The following GPHN variants were observed in gnomAD, a reference collection of about 807,000 sequenced individuals.
The protein encoded by GPHN is gephyrin.
GPHN carries 17 observed loss-of-function variants against 95.5 expected under a neutral mutation model. That is an observed-to-expected ratio of 0.18 (90% CI 0.12 to 0.27). GPHN has a LOEUF of 0.27. Ranked by LOEUF, GPHN falls within the 10% of genes least tolerant of loss-of-function variation. The pLI is 1.00. For missense variants in GPHN, 660 were observed against 978.1 expected (o/e 0.67, Z 4.34); for synonymous variants, 320 against 322.5 (o/e 0.99, Z 0.08).
chr14:67,203,051 C>A, the GPHN span: 1 of 1,583,796 alleles, frequency 6.3e-7, no homozygotes, highest in Non-Finnish European at 8.6e-7. Context: ...GTCAAAGCCA[C>A]ACATTTCATC....
chr14:67,687,697 C>T, the GPHN span, among the ~76,000 whole-genome samples: 1 of 151,882 alleles, frequency 6.6e-6, no homozygotes, highest in Non-Finnish European at 1.5e-5. Flanking sequence ...TCTTGAACTC[C>T]TGACCTCAGG....
At chr14:66,538,557 A>C (rs2140032124) in intron 1 of GPHN, among the ~76,000 whole-genome samples, 1 of 149,840 alleles carries the variant, frequency 6.7e-6, no homozygotes, top group Middle Eastern at 3.4e-3. Context: ...CTATCCAATA[A>C]GTTTTAATAG....
the GPHN span, among the ~76,000 whole-genome samples, chr14:67,506,465 A>T: frequency 6.6e-6 from 1 of 152,312 alleles, no homozygotes; most frequent in East Asian, 1.9e-4. Flanking sequence ...TATTAAAATG[A>T]AATGTTTGTC....
chr14:67,323,716 C>G, the GPHN span: 1 of 1,577,228 alleles, frequency 6.3e-7, no homozygotes, highest in East Asian at 2.3e-5. Flanking sequence ...TGAAGACTCT[C>G]CGGAATTCAG....
chr14:67,180,760 C>T (rs374511758), intron 22 of GPHN, 44 bp from the exon 23 acceptor site: 164 of 1,600,296 alleles, frequency 1.0e-4, no homozygotes, highest in Admixed American at 1.9e-4. Flanking sequence ...CAACTGTATA[C>T]GCCATGATGC....
At chr14:66,846,539 A>G (rs1158089453) in intron 4 of GPHN, among the ~76,000 whole-genome samples, 1 of 152,122 alleles carries the variant, frequency 6.6e-6, no homozygotes, top group Non-Finnish European at 1.5e-5. Flanking sequence ...GTGGCTGTAT[A>G]TAAGGAAATC....
At chr14:67,261,942 C>CA in the GPHN span, among the ~76,000 whole-genome samples, 2 of 151,640 alleles carry the variant, frequency 1.3e-5, no homozygotes, top group African/African-American at 4.8e-5. Context: ...ATTTTAAAGG[C>CA]AAAAAAAGGA....
chr14:67,588,211 T>C, the GPHN span: 1 of 152,612 alleles, frequency 6.6e-6, no homozygotes, highest in Non-Finnish European at 1.5e-5. Flanking sequence ...ATCTGACCCC[T>C]CCCTGTCTCA....
the GPHN span, among the ~76,000 whole-genome samples, chr14:67,546,670 G>A: frequency 5.9e-5 from 9 of 152,308 alleles, no homozygotes; most frequent in South Asian, 4.1e-4. Context: ...GATTGCAGGC[G>A]TGAGCCACCG....
intron 14 of GPHN, 30 bp downstream of exon 14, chr14:67,110,289 T>C: frequency 1.2e-6 from 2 of 1,611,554 alleles, no homozygotes; most frequent in Non-Finnish European, 1.7e-6. Flanking sequence ...TACTGTGCTG[T>C]TGTTCCTATG....
chr14:67,296,319 C>G, the GPHN span, among the ~76,000 whole-genome samples: 2 of 152,000 alleles, frequency 1.3e-5, no homozygotes, highest in South Asian at 4.1e-4. Context: ...GGTGTCCAGA[C>G]GCCGGATGCA....
chr14:66,942,963 A>G (rs1442433900), intron 8 of GPHN, among the ~76,000 whole-genome samples: 1 of 152,238 alleles, frequency 6.6e-6, no homozygotes, highest in Non-Finnish European at 1.5e-5. Flanking sequence ...ACTTTAAAAA[A>G]GCAAAAACTT....
chr14:67,337,444 G>A, the GPHN span: 91 of 152,052 alleles, frequency 6.0e-4, no homozygotes, highest in African/African-American at 2.0e-3. Context: ...TTGAGGAGGC[G>A]GACGTTGCAG....
At chr14:66,573,720 G>C (rs1326967705) in intron 1 of GPHN, among the ~76,000 whole-genome samples, 1 of 152,058 alleles carries the variant, frequency 6.6e-6, no homozygotes, top group Non-Finnish European at 1.5e-5. Context: ...CTCCCAAAGT[G>C]CTGGGATTAC....
chr14:67,369,788 T>C, the GPHN span, among the ~76,000 whole-genome samples: 2 of 152,192 alleles, frequency 1.3e-5, no homozygotes, highest in South Asian at 4.1e-4. Flanking sequence ...TCTAAAACAG[T>C]TATCTAGGCT....
chr14:66,598,544 C>G (rs2062081661), intron 1 of GPHN, among the ~76,000 whole-genome samples: 1 of 151,964 alleles, frequency 6.6e-6, no homozygotes, highest in Non-Finnish European at 1.5e-5. Context: ...AACTGAAAAG[C>G]AAAATAAAGA....
At chr14:66,536,961 C>T (rs541292801) in intron 1 of GPHN, among the ~76,000 whole-genome samples, 65 of 152,240 alleles carry the variant, frequency 4.3e-4, no homozygotes, top group Admixed American at 7.8e-4. Context: ...TGTTATTTTA[C>T]GGTTGAAATG....
At chr14:66,536,585 G>A (rs1171424768) in intron 1 of GPHN, among the ~76,000 whole-genome samples, 1 of 152,036 alleles carries the variant, frequency 6.6e-6, no homozygotes, top group African/African-American at 2.4e-5. Context: ...GAATTGGGAA[G>A]TCTCTCTCTG....
the GPHN span, among the ~76,000 whole-genome samples, chr14:67,431,887 A>G: frequency 6.6e-6 from 1 of 152,190 alleles, no homozygotes; most frequent in Non-Finnish European, 1.5e-5. Flanking sequence ...GCACAATTTT[A>G]TCTACTTTTT....
Sources: allele counts gnomAD v4.1 joint callset (sites outside exome capture counted in the v4.1 genomes callset), GRCh38; gene constraint gnomAD v4.1.1; transcripts MANE v1.5; gene names NCBI Gene and HGNC (gene_info 2026-07-23, HGNC 2026-07-21).